The following CEP112 variants were observed in gnomAD, a reference collection of about 807,000 sequenced individuals.
The protein encoded by CEP112 is centrosomal protein 112.
CEP112 carries 127 observed loss-of-function variants against 153.0 expected under a neutral mutation model. That is an observed-to-expected ratio of 0.83 (90% confidence interval 0.72 to 0.96). The LOEUF is 0.96. CEP112 is among the 40% of genes least tolerant of loss of function. CEP112 has a pLI of 0.00. For synonymous variants in CEP112, 358 were observed against 374.4 expected, an observed-to-expected ratio of 0.96 and a Z score of 0.51; for missense variants, 1,089 against 1,101.2, an observed-to-expected ratio of 0.99 and a Z score of 0.16.
chr17:65,937,605 CG>C (rs1373117325), intron 18 of CEP112, among the ~76,000 whole-genome samples: 1 of 98,268 alleles, frequency 1.0e-5, no homozygotes, highest in Non-Finnish European at 2.1e-5. Context: ...CCGCCCCGTC[CG>C]GGAGGGAGGT....
At chr17:65,700,334 C>A (rs1186012934) in intron 23 of CEP112, among the ~76,000 whole-genome samples, 2 of 152,140 alleles carry the variant, frequency 1.3e-5, no homozygotes, top group Non-Finnish European at 2.9e-5. Flanking sequence ...GGAACTATTA[C>A]AATACCACAT....
At chr17:65,891,296 TTTAA>T (rs2059455686) in intron 20 of CEP112, among the ~76,000 whole-genome samples, 1 of 152,188 alleles carries the variant, frequency 6.6e-6, no homozygotes, top group African/African-American at 2.4e-5. Context: ...GGGCCCATGC[TTTAA>T]TTATTATCTA....
At chr17:65,923,400 C>T (rs2060803075) in intron 19 of CEP112, among the ~76,000 whole-genome samples, 1 of 152,032 alleles carries the variant, frequency 6.6e-6, no homozygotes, top group African/African-American at 2.4e-5. Flanking sequence ...ATAATATAGA[C>T]CAGGCACGGT....
At chr17:65,939,759 TA>T (rs1465996115) in intron 18 of CEP112, among the ~76,000 whole-genome samples, 1 of 152,124 alleles carries the variant, frequency 6.6e-6, no homozygotes, top group Non-Finnish European at 1.5e-5. Context: ...ATTAAAGACT[TA>T]AATATAAAAG....
chr17:65,658,249 A>G (rs148524753), intron 24 of CEP112, among the ~76,000 whole-genome samples: 36 of 152,274 alleles, frequency 2.4e-4, no homozygotes, highest in African/African-American at 7.9e-4. Context: ...TGGAGAAGGG[A>G]ATAGGATTGA....
At chr17:65,777,202 A>T (rs1416976024) in intron 21 of CEP112, among the ~76,000 whole-genome samples, 2 of 152,122 alleles carry the variant, frequency 1.3e-5, no homozygotes, top group African/African-American at 2.4e-5. Flanking sequence ...CCCACTCCTC[A>T]TTCTGATGCC....
At chr17:65,989,702 T>C (rs2063528238) in intron 17 of CEP112, among the ~76,000 whole-genome samples, 1 of 152,130 alleles carries the variant, frequency 6.6e-6, no homozygotes, top group Non-Finnish European at 1.5e-5. Flanking sequence ...TAAAATTAAG[T>C]ATATGAACAA....
intron 18 of CEP112, among the ~76,000 whole-genome samples, chr17:65,932,957 T>G (rs79969359): frequency 0.013 from 1,998 of 152,220 alleles, 48 homozygotes; most frequent in African/African-American, 0.046. Flanking sequence ...GAAAACAATA[T>G]GCAGACAAAA....
intron 25 of CEP112, among the ~76,000 whole-genome samples, chr17:65,637,942 C>T (rs1460934520): frequency 6.6e-6 from 1 of 152,174 alleles, no homozygotes; most frequent in Non-Finnish European, 1.5e-5. Context: ...AACTTCATAG[C>T]GGAAAGAGCC....
intron 24 of CEP112, 43 bp from the exon 25 acceptor site, chr17:65,641,108 A>G: frequency 9.2e-7 from 1 of 1,089,536 alleles, no homozygotes. Context: ...TACCACATAA[A>G]TGATTGTTTT....
chr17:66,174,074 A>G (rs1598493812), intron 4 of CEP112, among the ~76,000 whole-genome samples: 1 of 151,798 alleles, frequency 6.6e-6, no homozygotes, highest in South Asian at 2.1e-4. Flanking sequence ...GACTACAGGC[A>G]CCCGCCACCA....
At chr17:65,769,303 G>A (rs1276434553) in intron 21 of CEP112, among the ~76,000 whole-genome samples, 1 of 151,846 alleles carries the variant, frequency 6.6e-6, no homozygotes, top group Non-Finnish European at 1.5e-5. Flanking sequence ...CCATGCTCTT[G>A]GATTGGCAGA....
intron 4 of CEP112, among the ~76,000 whole-genome samples, chr17:66,133,284 T>C (rs1236110448): frequency 6.6e-6 from 1 of 152,104 alleles, no homozygotes; most frequent in Middle Eastern, 3.2e-3. Context: ...AGAGAGAAAA[T>C]GAAGCATATA....
intron 21 of CEP112, among the ~76,000 whole-genome samples, chr17:65,753,843 A>G (rs1024233870): frequency 6.6e-6 from 1 of 152,210 alleles, no homozygotes; most frequent in Non-Finnish European, 1.5e-5. Context: ...TAAAAATGCT[A>G]GAGTCACGGA....
chr17:65,680,088 C>T (rs1459698325), intron 24 of CEP112, among the ~76,000 whole-genome samples: 12 of 152,114 alleles, frequency 7.9e-5, no homozygotes, highest in Admixed American at 7.8e-4. Context: ...AAAGAAAAAT[C>T]TGTCTTGTTT....
intron 21 of CEP112, among the ~76,000 whole-genome samples, chr17:65,834,978 A>G (rs1483271766): frequency 6.6e-6 from 1 of 152,164 alleles, no homozygotes; most frequent in Admixed American, 6.5e-5. Context: ...GATAAAGACA[A>G]TGTGATACAT....
At chr17:65,863,690 T>C (rs11079589) in intron 20 of CEP112, among the ~76,000 whole-genome samples, 137,552 of 147,820 alleles carry the variant, frequency 0.93, 64,107 homozygotes, top group Non-Finnish European at 0.97. Flanking sequence ...ATCTGGGAGG[T>C]GGAGCTTGCA....
intron 4 of CEP112, among the ~76,000 whole-genome samples, chr17:66,135,592 A>G (rs9910950): frequency 0.058 from 8,833 of 152,218 alleles, 270 homozygotes; most frequent in East Asian, 0.072. Flanking sequence ...GCCTCAATTA[A>G]TTTCAGGATG....
At chr17:66,167,619 G>A (rs755872341) in intron 4 of CEP112, among the ~76,000 whole-genome samples, 8 of 152,108 alleles carry the variant, frequency 5.3e-5, no homozygotes, top group African/African-American at 1.9e-4. Context: ...GATTGCTGAC[G>A]CAGCACAAGT....
Sources: gnomAD v4.1 joint callset for allele counts (sites outside exome capture counted in the v4.1 genomes callset) on GRCh38, gnomAD v4.1.1 for gene constraint, MANE v1.5 for transcripts, NCBI Gene and HGNC (gene_info 2026-07-23, HGNC 2026-07-21) for gene names.